SYNE1: variants seen among roughly 807,000 people sequenced by gnomAD.
The protein encoded by SYNE1 is spectrin repeat containing nuclear envelope protein 1.
Under a neutral mutation model 1,111.0 loss-of-function variants are expected in SYNE1, and 616 were observed. That is an observed-to-expected ratio of 0.55 (90% CI 0.52 to 0.59). The LOEUF (loss-of-function observed/expected upper bound fraction) is 0.59. Ranked by LOEUF, SYNE1 falls within the 20% of genes least tolerant of loss-of-function variation. SYNE1 has a pLI of 0.00. For synonymous variants in SYNE1, 3,855 were observed against 3,825.8 expected, an observed-to-expected ratio of 1.01 and a Z score of -0.28; for missense variants, 10,006 against 10,417.0, an observed-to-expected ratio of 0.96 and a Z score of 1.72.
At chr6:152,511,492 T>C in intron 6 of SYNE1, 3 of 1,332,938 alleles carry the variant, frequency 2.3e-6, no homozygotes, top group South Asian at 1.2e-5. Flanking sequence ...CTTTGAAGTT[T>C]GTTACCAAAT....
At chr6:152,289,658 G>A (rs972348815) in intron 95 of SYNE1, among the ~76,000 whole-genome samples, 2 of 151,998 alleles carry the variant, frequency 1.3e-5, no homozygotes, top group African/African-American at 4.8e-5. Flanking sequence ...ACGGAGTCTC[G>A]CTCTGTCGCT....
At chr6:152,598,247 C>T (rs940868483) in intron 3 of SYNE1, among the ~76,000 whole-genome samples, 28 of 152,074 alleles carry the variant, frequency 1.8e-4, no homozygotes, top group South Asian at 6.2e-4. Context: ...ACAAGTCTCA[C>T]GAGATCTGAT....
In SYNE1 at chr6:152,249,224, G is replaced by A; in HGVS notation, c.19509C>T (p.Asn6503=). 6.2e-7 allele frequency: 1 copy of A among 1,614,008 alleles called. No homozygotes were observed. The highest frequency in any genetic ancestry group is 8.5e-7 in the Non-Finnish European group (1 of 1,179,902). The change falls in exon 105 of 146, where the codon AAC becomes AAT. Residue 6503 remains asparagine, a synonymous_variant. Transcript: ENST00000367255. The stretch of plus-strand genomic sequence containing the variant: ...CCAGTTTTTGCAGAATGATGTATTT[G>A]TTGTCAGCCAGTGATGTAAACAGCA... ...LKVLFTSLAD[N]KYIILQKLAN...
chr6:152,220,258 C>CAAATAAGG (rs1445652309), intron 119 of SYNE1, among the ~76,000 whole-genome samples: 1 of 151,916 alleles, frequency 6.6e-6, no homozygotes, highest in East Asian at 1.9e-4. Flanking sequence ...AAAATAAAGA[C>CAAATAAGG]AAATAAGGAC....
chr6:152,301,604 T>G (rs1435674496), intron 92 of SYNE1, among the ~76,000 whole-genome samples: 1 of 152,228 alleles, frequency 6.6e-6, no homozygotes, highest in Non-Finnish European at 1.5e-5. Context: ...TATTGCGAAA[T>G]TATAAACAAA....
chr6:152,441,253 C>T lies in SYNE1; in HGVS notation c.4026G>A (p.Trp1342Ter). Residue 1342 changes from tryptophan (W) to a stop codon, truncating the protein, a stop_gained, in exon 32 of 146, where the codon TGG becomes TGA. Transcript: ENST00000367255. LOFTEE classifies it high-confidence loss of function. ...TTTCTTTGTTTGTTTCAAATCGCTC[C>T]CATTTTCTTAATGTGACCTAAATTT... ...ERRIQVTLRK[W>*]ERFETNKETV... 1 of 1,608,764 alleles carries T rather than the reference C, an allele frequency of 6.2e-7. No individual in the cohort carries two copies. The highest frequency in any genetic ancestry group is 1.7e-5 in the Admixed American group (1 of 59,528).
chr6:152,333,632 CATTTT>C (rs1465036743), intron 77 of SYNE1, among the ~76,000 whole-genome samples: 2 of 151,824 alleles, frequency 1.3e-5, no homozygotes, highest in Non-Finnish European at 2.9e-5. Flanking sequence ...ATACCTAAGA[CATTTT>C]ATTTTATTTT....
chr6:152,636,954 G>C (rs1317783491), intron 1 of SYNE1, 149 bp from the exon 2 acceptor site: 9 of 152,546 alleles, frequency 5.9e-5, no homozygotes, highest in Admixed American at 5.9e-4. Context: ...TCCTCCTCCC[G>C]GCTGCTCGCT....
At chr6:152,132,914 C>T (rs1322233579) in intron 143 of SYNE1, among the ~76,000 whole-genome samples, 6 of 150,124 alleles carry the variant, frequency 4.0e-5, no homozygotes, top group African/African-American at 7.4e-5. Context: ...AGAATTCATG[C>T]CTGAGAGTGG....
chr6:152,391,513 C>T lies in SYNE1; in HGVS notation c.7768G>A (p.Gly2590Ser), dbSNP rs367840064. The T allele has an allele frequency of 2.9e-5, 47 of 1,604,560 alleles. No homozygotes were observed. The highest frequency in any genetic ancestry group is 4.1e-5 in the African/African-American group (3 of 73,470). The change falls in exon 52 of 146, where the codon GGT (glycine) becomes AGT (serine). Residue 2590 changes from glycine (G) to serine (S), a missense_variant. Physicochemically the swap from Gly to Ser is moderately conservative, Grantham distance 56. Transcript: ENST00000367255. The part of the protein sequence containing the change: ...RGQLLSEEGH[G>S]AGQEGRLCSQ... ...CACAGGCGGCCCTCCTGCCCAGCAC[C>T]GTGGCCTTCTTCACTCAGAAGCTGC... is the stretch of plus-strand genomic sequence containing the variant.
At chr6:152,600,425 T>A (rs561292592) in intron 3 of SYNE1, among the ~76,000 whole-genome samples, 39 of 152,338 alleles carry the variant, frequency 2.6e-4, no homozygotes, top group Admixed American at 1.2e-3. Flanking sequence ...CCTATTTTTT[T>A]AAAAAGCAAA....
chr6:152,123,425 C>T (rs1296086449), intron 145 of SYNE1, among the ~76,000 whole-genome samples: 2 of 152,102 alleles, frequency 1.3e-5, no homozygotes, highest in African/African-American at 4.8e-5. Context: ...ATCCTACAGC[C>T]CCTTCTACAC....
At chr6:152,605,566 C>T (rs2099612568) in intron 3 of SYNE1, among the ~76,000 whole-genome samples, 1 of 152,236 alleles carries the variant, frequency 6.6e-6, no homozygotes, top group Admixed American at 6.5e-5. Flanking sequence ...AGCGACCCTG[C>T]CAAGAAGAAA....
intron 100 of SYNE1, among the ~76,000 whole-genome samples, chr6:152,267,160 C>T (rs564044538): frequency 1.3e-5 from 2 of 152,218 alleles, no homozygotes; most frequent in South Asian, 4.2e-4. Context: ...TCCAAAACCA[C>T]CTTCATAATA....
intron 107 of SYNE1, 43 bp downstream of exon 107, chr6:152,242,197 T>C (rs901201140): frequency 4.6e-6 from 7 of 1,532,920 alleles, no homozygotes; most frequent in Non-Finnish European, 6.3e-6. Context: ...AGAGCATGCT[T>C]TCCAATTACA....
rs543956277 is a variant in SYNE1 at position 152,173,420 on chromosome 6, G to A, written c.23627+2974C>T. Reference sequence around the variant, plus strand: ...AGCACCAATACAGGACAGAAATGTCGAAAGGCATACACTGGGTTATATTTT... The same window carrying A: ...AGCACCAATACAGGACAGAAATGTCAAAAGGCATACACTGGGTTATATTTT... On this transcript the variant is annotated intron_variant, in intron 130 of 145. Coordinates refer to ENST00000367255, the MANE Select transcript of SYNE1 (RefSeq NM_182961.4). Among the ~76,000 whole-genome samples the A allele has an allele frequency of 6.0e-4, 92 of 152,232 alleles. 2 individuals are homozygous for A. In the South Asian group the frequency reaches 0.014, roughly 23 times the overall value.
At chr6:152,438,917 G>A (rs2154219740) in intron 32 of SYNE1, among the ~76,000 whole-genome samples, 1 of 152,292 alleles carries the variant, frequency 6.6e-6, no homozygotes, top group South Asian at 2.1e-4. Context: ...AGTGACTAAA[G>A]ATGTGGGCTC....
intron 23 of SYNE1, 107 bp downstream of exon 23, chr6:152,455,779 C>A: frequency 6.6e-7 from 1 of 1,504,578 alleles, no homozygotes; most frequent in South Asian, 1.1e-5. Context: ...CTTCCAAACA[C>A]CAGCAGGTAA....
At chr6:152,169,246 C>T (rs2064470175) in intron 130 of SYNE1, among the ~76,000 whole-genome samples, 1 of 151,986 alleles carries the variant, frequency 6.6e-6, no homozygotes, top group African/African-American at 2.4e-5. Context: ...GTTTTTAAAA[C>T]AGAACACTAC....
Sources: allele counts gnomAD v4.1 joint callset (sites outside exome capture counted in the v4.1 genomes callset), GRCh38; gene constraint gnomAD v4.1.1; transcripts MANE v1.5; gene names NCBI Gene and HGNC (gene_info 2026-07-23, HGNC 2026-07-21).